FNDC1: variants seen among roughly 807,000 people sequenced by gnomAD.
FNDC1 encodes the protein fibronectin type III domain-containing protein 1.
FNDC1 carries 96 observed loss-of-function variants against 168.0 expected under a neutral mutation model. The observed-to-expected ratio is 0.57, with a 90% CI of 0.48 to 0.68. FNDC1 has a LOEUF of 0.68. Ranked by LOEUF, FNDC1 falls within the 30% of genes least tolerant of loss-of-function variation. FNDC1 has a pLI of 0.00. For synonymous variants in FNDC1, 1,099 were observed against 1,025.9 expected, an observed-to-expected ratio of 1.07 and a Z score of -1.36; for missense variants, 2,587 against 2,482.1, an observed-to-expected ratio of 1.04 and a Z score of -0.90.
chr6:159,233,451 G>A lies in FNDC1; in HGVS notation c.2939G>A (p.Arg980His). The change falls in exon 11 of 23, where the codon CGT (arginine) becomes CAT (histidine). Residue 980 changes from arginine (R) to histidine (H), a missense_variant. Transcript: ENST00000297267. The surrounding 1 kb of genome is among the most constrained non-coding windows in gnomAD (Gnocchi z 4.6). ...ACAGACCGCCACGCGTCCCCTGCTC[G>A]TCCGCCCGCAGCACGGTCACAGCAG... ...GSTDRHASPA[R>H]PPAARSQQHP... The A allele has an allele frequency of 1.2e-6, 2 of 1,608,944 alleles. No individual in the cohort carries two copies. Among genetic ancestry groups the A allele is most frequent in the Non-Finnish European group, 1.7e-6 (2 of 1,178,924 alleles).
intron 1 of FNDC1, among the ~76,000 whole-genome samples, chr6:159,172,339 G>A (rs1279982779): frequency 6.6e-6 from 1 of 152,200 alleles, no homozygotes; most frequent in Non-Finnish European, 1.5e-5. Context: ...TCTGACTTGG[G>A]TATTTGGCCG....
At chr6:159,255,453 A>T (rs2115019970) in intron 17 of FNDC1, among the ~76,000 whole-genome samples, 1 of 152,266 alleles carries the variant, frequency 6.6e-6, no homozygotes, top group South Asian at 2.1e-4. Context: ...AGCATCGTGG[A>T]CTGGTCCTGC....
chr6:159,267,236 T>C (rs1250239943), intron 21 of FNDC1, among the ~76,000 whole-genome samples: 1 of 152,128 alleles, frequency 6.6e-6, no homozygotes, highest in Non-Finnish European at 1.5e-5. Flanking sequence ...CTCTCTGCTC[T>C]TTTCTTTCTC....
At chr6:159,227,489 C>T (rs1369630568) in intron 9 of FNDC1, among the ~76,000 whole-genome samples, 9 of 152,068 alleles carry the variant, frequency 5.9e-5, no homozygotes, top group African/African-American at 2.2e-4. Flanking sequence ...GAATGGTTCT[C>T]TTTTATATTC....
intron 21 of FNDC1, 95 bp downstream of exon 21, chr6:159,266,340 A>G: frequency 7.7e-7 from 1 of 1,301,404 alleles, no homozygotes; most frequent in East Asian, 2.3e-5. Flanking sequence ...AATGTTTATG[A>G]GGGCTGGAGC....
At chr6:159,198,118 G>A (rs1355612209) in intron 2 of FNDC1, among the ~76,000 whole-genome samples, 1 of 152,144 alleles carries the variant, frequency 6.6e-6, no homozygotes, top group Non-Finnish European at 1.5e-5. Flanking sequence ...GATTCTGGAG[G>A]TTTGGAATAT....
intron 1 of FNDC1, among the ~76,000 whole-genome samples, chr6:159,192,557 C>T (rs1461345390): frequency 6.6e-6 from 1 of 152,214 alleles, no homozygotes; most frequent in Non-Finnish European, 1.5e-5. Flanking sequence ...TGCTGAACAT[C>T]TAATTCAGGT....
chr6:159,265,551 G>T (rs1020948587), intron 20 of FNDC1, among the ~76,000 whole-genome samples: 2 of 152,106 alleles, frequency 1.3e-5, no homozygotes, highest in African/African-American at 2.4e-5. Context: ...CTTTAAATAC[G>T]TTCAGGTAAA....
At chr6:159,205,060 C>T (rs1782459965) in intron 4 of FNDC1, among the ~76,000 whole-genome samples, 1 of 152,168 alleles carries the variant, frequency 6.6e-6, no homozygotes, top group Non-Finnish European at 1.5e-5. Flanking sequence ...TTAAGGCTGA[C>T]TTCATCTACA....
intron 14 of FNDC1, among the ~76,000 whole-genome samples, 172 bp downstream of exon 14, chr6:159,240,129 A>G (rs1443977532): frequency 1.3e-5 from 2 of 152,220 alleles, no homozygotes; most frequent in Non-Finnish European, 2.9e-5. Flanking sequence ...GCCACAGCTA[A>G]GGTTGGAAGA....
At chr6:159,226,013 T>C (rs1394767318) in intron 8 of FNDC1, among the ~76,000 whole-genome samples, 2 of 152,194 alleles carry the variant, frequency 1.3e-5, no homozygotes, top group African/African-American at 4.8e-5. Context: ...TCAGTCACCA[T>C]TGTGTGCGTG....
At chr6:159,228,815 A>G (rs1783013522) in intron 9 of FNDC1, among the ~76,000 whole-genome samples, 1 of 152,158 alleles carries the variant, frequency 6.6e-6, no homozygotes, top group Admixed American at 6.5e-5. Flanking sequence ...AGCTGGGACC[A>G]CAGGCACACA....
At position 159,269,455 on chromosome 6, in the gene FNDC1, CATCTATCTATCTATCTATCT is replaced by C. The variant is rs71033526; in HGVS notation, c.5569+1557_5569+1576del. ...TATCCATCCATTATCTACCTATTCA[CATCTATCTATCTATCTATCT>C]ATCTATCTATCTATCTATCTATCTA... On this transcript the variant is annotated intron_variant, in intron 22 of 22. Transcript: ENST00000297267. 1.6e-3 allele frequency among the ~76,000 whole-genome samples: 149 copies of C among 94,010 alleles called. 1 individual carries two copies. Among genetic ancestry groups the C allele is most frequent in the African/African-American group, 5.4e-3 (139 of 25,718 alleles). The allele number at this position is 94,010 out of a possible 152,430, so 61.7% of individuals were successfully genotyped here.
chr6:159,258,211 A>T (rs1160638642), intron 18 of FNDC1, among the ~76,000 whole-genome samples: 1 of 152,186 alleles, frequency 6.6e-6, no homozygotes, highest in Non-Finnish European at 1.5e-5. Flanking sequence ...CCTGAGCGCA[A>T]GGTGGAACAT....
chr6:159,169,823 C>A lies in FNDC1; in HGVS notation c.109+118C>A. ...GTCGTGTCACTAGCCTGTGCGTCCT[C>A]GTCACTCGCGGGTCGGGGCACTTGG... On this transcript the variant is annotated intron_variant, in intron 1 of 22. Transcript: ENST00000297267. This position sits in a 1 kb window ranked among gnomAD's most constrained non-coding sequence, Gnocchi z 6.8. The A allele has an allele frequency of 3.3e-6, 1 of 301,254 alleles. No individual in the cohort carries two copies. Among genetic ancestry groups the A allele is most frequent in the Non-Finnish European group, 5.4e-6 (1 of 185,528 alleles). The allele number at this position is 301,254 out of a possible 1,614,324, so 18.7% of individuals were successfully genotyped here. A position where few individuals can be genotyped will look rare whatever the true frequency, so the allele number is the denominator to read the frequency against.
chr6:159,241,922 A>G (rs887734768), intron 14 of FNDC1, among the ~76,000 whole-genome samples: 1 of 152,110 alleles, frequency 6.6e-6, no homozygotes, highest in African/African-American at 2.4e-5. Context: ...CCACTCCTTT[A>G]TTGTTAGTAT....
intron 18 of FNDC1, among the ~76,000 whole-genome samples, chr6:159,258,221 T>A (rs1000820811): frequency 6.6e-6 from 1 of 152,290 alleles, no homozygotes; most frequent in Non-Finnish European, 1.5e-5. Flanking sequence ...AGGTGGAACA[T>A]CTGGGCTGGG....
chr6:159,238,793 A>G (rs559970573), intron 13 of FNDC1, 128 bp downstream of exon 13: 1 of 642,520 alleles, frequency 1.6e-6, no homozygotes, highest in Non-Finnish European at 2.6e-6. Context: ...CCATGTGAGA[A>G]GAAGAGCCTC....
At chr6:159,250,792 A>C (rs1186485945) in intron 16 of FNDC1, among the ~76,000 whole-genome samples, 1 of 152,230 alleles carries the variant, frequency 6.6e-6, no homozygotes, top group Admixed American at 6.5e-5. Context: ...CCTTATGCAC[A>C]GATGCTCCAG....
Sources: allele counts gnomAD v4.1 joint callset (sites outside exome capture counted in the v4.1 genomes callset), GRCh38; gene constraint gnomAD v4.1.1; non-coding constraint Gnocchi (gnomAD v3.1); transcripts MANE v1.5; gene names NCBI Gene and HGNC (gene_info 2026-07-23, HGNC 2026-07-21).